Variants in DENND11 observed in about 807,000 individuals in gnomAD.
The protein encoded by DENND11 is DENN domain containing 11.
DENND11 carries 34 observed loss-of-function variants against 49.2 expected under a neutral mutation model. The observed-to-expected ratio is 0.69, with a 90% CI of 0.53 to 0.92. The LOEUF is 0.92. Among genes scored for constraint, DENND11 ranks in the 40% least tolerant of loss-of-function variants. The pLI is 0.00. For synonymous variants in DENND11, 238 were observed against 230.3 expected, an observed-to-expected ratio of 1.03 and a Z score of -0.30; for missense variants, 475 against 581.6, an observed-to-expected ratio of 0.82 and a Z score of 1.88.
chr7:141,663,128 CTGGGTTTAAACACAGCCT>C, intron 8 of DENND11: 1 of 328,866 alleles, frequency 3.0e-6, no homozygotes. Flanking sequence ...GGGAAGTGAC[CTGGGTTTAAACACAGCCT>C]GAGAAGAGGC....
chr7:141,700,351 T>C (rs551958801), intron 1 of DENND11, among the ~76,000 whole-genome samples: 4 of 152,078 alleles, frequency 2.6e-5, no homozygotes, highest in Admixed American at 2.0e-4. Context: ...AAAAGACCAA[T>C]ACTTTTCAAA....
chr7:141,698,122 G>A (rs1379854078), intron 1 of DENND11, among the ~76,000 whole-genome samples: 1 of 152,196 alleles, frequency 6.6e-6, no homozygotes, highest in African/African-American at 2.4e-5. Context: ...TAATGAGGCA[G>A]ATGCAAAGAT....
chr7:141,700,283 A>C (rs1180563337), intron 1 of DENND11, among the ~76,000 whole-genome samples: 1 of 152,206 alleles, frequency 6.6e-6, no homozygotes, highest in African/African-American at 2.4e-5. Context: ...CAGTATAAGC[A>C]ATATGATTAG....
At chr7:141,671,043 G>A (rs1797972687) in intron 4 of DENND11, among the ~76,000 whole-genome samples, 4 of 152,286 alleles carry the variant, frequency 2.6e-5, no homozygotes, top group Admixed American at 2.6e-4. Context: ...ACCTTCTTAT[G>A]CTCTAATTCA....
chr7:141,667,163 C>T (rs1424849162), intron 4 of DENND11, among the ~76,000 whole-genome samples: 7 of 152,212 alleles, frequency 4.6e-5, no homozygotes, highest in East Asian at 1.9e-4. Flanking sequence ...TCAACTGATT[C>T]GCCCACCTTG....
At chr7:141,662,907 C>G (rs2117049773) in intron 8 of DENND11, 56 bp from the exon 9 acceptor site, 2 of 1,356,698 alleles carry the variant, frequency 1.5e-6, no homozygotes, top group East Asian at 2.6e-5. Flanking sequence ...AAAAGCTCAC[C>G]AGATAATCCA....
chr7:141,687,704 G>C (rs1247856723), intron 1 of DENND11, among the ~76,000 whole-genome samples: 1 of 143,980 alleles, frequency 6.9e-6, no homozygotes, highest in Non-Finnish European at 1.5e-5. Flanking sequence ...GCGCGATCTC[G>C]GCTCAATGCA....
intron 3 of DENND11, among the ~76,000 whole-genome samples, chr7:141,685,152 T>A (rs934806621): frequency 2.6e-5 from 4 of 151,180 alleles, no homozygotes; most frequent in Admixed American, 6.6e-5. Flanking sequence ...CTTTGCCTAC[T>A]TGGGGCAAGG....
At position 141,657,853 on chromosome 7, in the gene DENND11, CAAATT is replaced by C. The variant is rs746262795; in HGVS notation, c.*4798_*4802del. ...TGCCCCTAAATTCTAGTTCCAAAAA[CAAATT>C]AAAGTGCCAGTTATAACACTACCTC... On this transcript the variant is annotated 3_prime_UTR_variant, in exon 9 of 9. Transcript: ENST00000536163. The C allele has an allele frequency of 2.6e-5, 4 of 152,570 alleles. No individual in the cohort carries two copies. The highest frequency in any genetic ancestry group is 2.1e-4 in the South Asian group (1 of 4,826). 9.5% of individuals were successfully genotyped at this position (152,570 alleles called of 1,614,324 possible).
In DENND11 at chr7:141,701,797, T is replaced by A. The variant is rs879226150; in HGVS notation, c.268+89A>T. The A allele has an allele frequency of 5.3e-5, 55 of 1,035,640 alleles. No homozygotes were observed. The East Asian group carries it at 1.7e-3, about 31-fold the overall frequency. The allele number at this position is 1,035,640 out of a possible 1,614,324, so 64.2% of individuals were successfully genotyped here. ...CGGGGTGCGGGGCCGGGAGGGCAGG[T>A]GCGCGCGCAGCGAGCCCCTCCCCCG... is the stretch of plus-strand genomic sequence containing the variant. On this transcript the variant is annotated intron_variant, in intron 1 of 8. Transcript: ENST00000536163.
chr7:141,669,809 A>ATTTTTT (rs72053527), intron 4 of DENND11, among the ~76,000 whole-genome samples: 24 of 116,260 alleles, frequency 2.1e-4, no homozygotes, highest in East Asian at 5.1e-4. Context: ...CATACATGCT[A>ATTTTTT]TTTTTTTTTT....
At position 141,666,276 on chromosome 7, in the gene DENND11, C is replaced by G; in HGVS notation, c.820+11G>C. 6.3e-7 allele frequency: 1 copy of G among 1,588,408 alleles called. No individual in the cohort carries two copies. The highest frequency in any genetic ancestry group is 8.6e-7 in the Non-Finnish European group (1 of 1,162,906). ...ATTTAAGCAGCACTCCTGACTCTGG[C>G]TTCTGGTTACCTCTATAGCACACCA... On this transcript the variant is annotated intron_variant, in intron 5 of 8. Coordinates refer to ENST00000536163, the MANE Select transcript of DENND11 (RefSeq NM_001080392.2).
At chr7:141,666,940 A>C (rs1321323322) in intron 4 of DENND11, among the ~76,000 whole-genome samples, 1 of 152,024 alleles carries the variant, frequency 6.6e-6, no homozygotes, top group Non-Finnish European at 1.5e-5. Context: ...TCTTTTTTTG[A>C]GATGGAGTCT....
chr7:141,669,128 A>G (rs1797938817), intron 4 of DENND11, among the ~76,000 whole-genome samples: 1 of 151,430 alleles, frequency 6.6e-6, no homozygotes, highest in South Asian at 2.1e-4. Flanking sequence ...TTTAGCAGCC[A>G]CATCTGGACC....
intron 4 of DENND11, among the ~76,000 whole-genome samples, chr7:141,670,631 A>C (rs1241676988): frequency 6.6e-6 from 1 of 152,224 alleles, no homozygotes; most frequent in East Asian, 1.9e-4. Flanking sequence ...TAAGTCAAGA[A>C]GCTCCTTAAG....
At position 141,662,559 on chromosome 7, in the gene DENND11, G is replaced by T; in HGVS notation, c.*97C>A. The T allele has an allele frequency of 1.3e-6, 1 of 780,166 alleles. No individual in the cohort carries two copies. The highest frequency in any genetic ancestry group is 1.8e-5 in the African/African-American group (1 of 56,230). 48.3% of individuals were successfully genotyped at this position (780,166 alleles called of 1,614,324 possible). A position where few individuals can be genotyped will look rare whatever the true frequency, so the allele number is the denominator to read the frequency against. On this transcript the variant is annotated 3_prime_UTR_variant, in exon 9 of 9. Coordinates refer to ENST00000536163, the MANE Select transcript of DENND11 (RefSeq NM_001080392.2). ...GAAAGTATAAACAATATTCCTTTGT[G>T]TCAACTTAATAAAAAATGAGGCCCT...
At chr7:141,688,983 C>T (rs2117076355) in intron 1 of DENND11, among the ~76,000 whole-genome samples, 1 of 152,338 alleles carries the variant, frequency 6.6e-6, no homozygotes, top group South Asian at 2.1e-4. Flanking sequence ...CAACCTGCTT[C>T]TTCTAATACT....
intron 1 of DENND11, among the ~76,000 whole-genome samples, chr7:141,692,530 G>A (rs1385163187): frequency 6.6e-6 from 1 of 152,148 alleles, no homozygotes; most frequent in African/African-American, 2.4e-5. Context: ...ATGGAGAAAA[G>A]ACAGTCTTTA....
chr7:141,701,721 G>T (rs1798522169), intron 1 of DENND11, 165 bp downstream of exon 1: 2 of 489,734 alleles, frequency 4.1e-6, no homozygotes, highest in Non-Finnish European at 5.9e-6. Flanking sequence ...GCTGAGGACT[G>T]GCCGACCCCC....
Sources: gnomAD v4.1 joint callset for allele counts (sites outside exome capture counted in the v4.1 genomes callset) on GRCh38, gnomAD v4.1.1 for gene constraint, MANE v1.5 for transcripts, NCBI Gene and HGNC (gene_info 2026-07-23, HGNC 2026-07-21) for gene names.